The following WDR4 variants were observed in gnomAD, a reference collection of about 807,000 sequenced individuals.
WDR4 encodes the protein tRNA (guanine-N(7)-)-methyltransferase non-catalytic subunit WDR4.
WDR4 carries 47 observed loss-of-function variants against 48.6 expected under a neutral mutation model. The observed-to-expected ratio is 0.97, with a 90% CI of 0.77 to 1.23. The LOEUF is 1.23. Ranked by LOEUF, WDR4 falls within the 50% of genes most tolerant of loss-of-function variation. The pLI is 0.00. For synonymous variants in WDR4, 268 were observed against 230.0 expected, an observed-to-expected ratio of 1.17 and a Z score of -1.49; for missense variants, 606 against 551.6, an observed-to-expected ratio of 1.10 and a Z score of -0.99.
chr21:42,878,258 C>A (rs2058546681), intron 1 of WDR4, among the ~76,000 whole-genome samples: 1 of 152,124 alleles, frequency 6.6e-6, no homozygotes, highest in Non-Finnish European at 1.5e-5. Context: ...CCCCCTGGCA[C>A]GTATCTTGTA....
intron 2 of WDR4, among the ~76,000 whole-genome samples, chr21:42,876,277 A>C (rs1163891031): frequency 1.4e-5 from 2 of 138,126 alleles, no homozygotes; most frequent in East Asian, 4.1e-4. Flanking sequence ...GCAATGCCGC[A>C]ATCTCAGCTC....
In WDR4 at chr21:42,855,703, C is replaced by A; in HGVS notation, c.705G>T (p.Leu235=). ...HCCHLASLQE[L]VDPQAPQKFA... is the part of the protein sequence containing the mutation. ...CTACCTGGGGGGCCTGGGGGTCCAC[C>A]AGCTCCTGCAGACTGGCCAGGTGAC... Residue 235 remains leucine, a synonymous_variant, in exon 7 of 11, where the codon CTG becomes CTT. Coordinates refer to ENST00000398208, the MANE Select transcript of WDR4 (RefSeq NM_018669.6). 1.3e-6 allele frequency: 2 copies of A among 1,553,810 alleles called. No homozygotes were observed. Among genetic ancestry groups the A allele is most frequent in the Non-Finnish European group, 8.7e-7 (1 of 1,148,132 alleles).
At chr21:42,891,076 A>G in the WDR4 span, among the ~76,000 whole-genome samples, 1 of 152,176 alleles carries the variant, frequency 6.6e-6, no homozygotes, top group Non-Finnish European at 1.5e-5. Flanking sequence ...TAATCCCAGC[A>G]CTTTGGGAGG....
the WDR4 span, among the ~76,000 whole-genome samples, chr21:42,891,920 GTACT>G: frequency 6.6e-6 from 1 of 150,632 alleles, no homozygotes; most frequent in Non-Finnish European, 1.5e-5. Flanking sequence ...TTGTGCCACT[GTACT>G]CCAGCCTGGG....
upstream of WDR4, among the ~76,000 whole-genome samples, chr21:42,882,977 T>C (rs111938738): frequency 2.6e-5 from 4 of 151,674 alleles, no homozygotes; most frequent in African/African-American, 9.7e-5. Flanking sequence ...CGGACGCCTG[T>C]AGTCCCAGCT....
Position 42,862,278 on chromosome 21 carries a change from T to C in WDR4, c.566+4A>G, listed in dbSNP as rs1164332002. On this transcript the variant is annotated splice_donor_region_variant and intron_variant, in intron 5 of 10. Transcript: ENST00000398208. This position sits in a 1 kb window ranked among gnomAD's most constrained non-coding sequence, Gnocchi z 4.3. ...CTGCTGGAGGGGCAGGAAGGGGCAC[T>C]CACTCTGTGTGCCCCAAGCAGAAGG... 1 of 1,597,462 alleles carries C rather than the reference T, an allele frequency of 6.3e-7. No individual in the cohort carries two copies. Among genetic ancestry groups the C allele is most frequent in the South Asian group, 1.1e-5 (1 of 89,268 alleles).
At chr21:42,885,111 T>C in the WDR4 span, among the ~76,000 whole-genome samples, 1 of 152,168 alleles carries the variant, frequency 6.6e-6, no homozygotes. Flanking sequence ...GGGTCTCTCA[T>C]TGAACTGTTA....
intron 4 of WDR4, 39 bp downstream of exon 4, chr21:42,863,401 C>T (rs1280033269): frequency 1.3e-6 from 2 of 1,590,686 alleles, no homozygotes; most frequent in Non-Finnish European, 8.6e-7. Flanking sequence ...CCGTGTCCCA[C>T]ACCTGCCATG....
intron 5 of WDR4, among the ~76,000 whole-genome samples, chr21:42,860,271 C>G (rs1409795396): frequency 6.6e-6 from 1 of 152,210 alleles, no homozygotes; most frequent in Non-Finnish European, 1.5e-5. Flanking sequence ...CCTGGCCAGA[C>G]AGCTGTCTCT....
chr21:42,854,480 C>T lies in WDR4; in HGVS notation c.791+82G>A, dbSNP rs564335589. The T allele has an allele frequency of 2.8e-5, 39 of 1,408,436 alleles. No homozygotes were observed. In the African/African-American group the frequency reaches 2.9e-4, roughly 10 times the overall value. 87.2% of individuals were successfully genotyped at this position (1,408,436 alleles called of 1,614,324 possible). A position where few individuals can be genotyped will look rare whatever the true frequency, so the allele number is the denominator to read the frequency against. On this transcript the variant is annotated intron_variant, in intron 8 of 10. Transcript: ENST00000398208. Reference sequence around the variant, plus strand: ...CCGTTCAGGACCTCTTCATTGAGGACGTGGGCCAGTGGCCAACCCGCTAAC... The same window carrying T: ...CCGTTCAGGACCTCTTCATTGAGGATGTGGGCCAGTGGCCAACCCGCTAAC...
At chr21:42,851,113 G>A (rs547151409) in intron 10 of WDR4, among the ~76,000 whole-genome samples, 1 of 152,342 alleles carries the variant, frequency 6.6e-6, no homozygotes, top group East Asian at 1.9e-4. Context: ...TCAGGAGAGC[G>A]AGCCCAGGCT....
chr21:42,848,361 C>T (rs1247559588), downstream of WDR4, among the ~76,000 whole-genome samples: 2 of 149,268 alleles, frequency 1.3e-5, no homozygotes, highest in Admixed American at 6.6e-5. Flanking sequence ...ACACAGCGCA[C>T]GATCACGTGG....
At chr21:42,860,817 C>T (rs1229737619) in intron 5 of WDR4, among the ~76,000 whole-genome samples, 6 of 152,260 alleles carry the variant, frequency 3.9e-5, no homozygotes, top group Non-Finnish European at 8.8e-5. Context: ...TCATGCCAGG[C>T]ACCACGCTGA....
At chr21:42,851,081 G>C (rs2057815456) in intron 10 of WDR4, among the ~76,000 whole-genome samples, 1 of 152,208 alleles carries the variant, frequency 6.6e-6, no homozygotes, top group Non-Finnish European at 1.5e-5. Context: ...CCGGGAACAG[G>C]CTGCTCTATC....
chr21:42,852,474 G>A (rs1468907999), intron 9 of WDR4, 150 bp from the exon 10 acceptor site: 5 of 811,210 alleles, frequency 6.2e-6, no homozygotes, highest in African/African-American at 5.2e-5. Context: ...GGAGACCTGG[G>A]GAGGCAGCCC....
At chr21:42,870,013 C>CAAAAAAAAAA (rs35193980) in intron 3 of WDR4, among the ~76,000 whole-genome samples, 5 of 125,030 alleles carry the variant, frequency 4.0e-5, no homozygotes, top group African/African-American at 1.5e-4. Flanking sequence ...AACTCCATCT[C>CAAAAAAAAAA]AAAAAAAAAA....
chr21:42,882,536 T>C (rs1376415739), upstream of WDR4, among the ~76,000 whole-genome samples: 1 of 151,678 alleles, frequency 6.6e-6, no homozygotes, highest in African/African-American at 2.4e-5. Flanking sequence ...CATTCCAGCC[T>C]GGGCAACAAG....
Position 42,853,728 on chromosome 21 carries a change from C to A in WDR4, c.816G>T (p.Gln272His), listed in dbSNP as rs558813890. ...CDGTPVVYIF[Q>H]LDARRQQLVY... Reference sequence around the variant, plus strand: ...CCAACTGCTGTCTGCGGGCGTCCAGCTGGAAGATGTAGACCACAGGAGTGC... The same window carrying A: ...CCAACTGCTGTCTGCGGGCGTCCAGATGGAAGATGTAGACCACAGGAGTGC... Residue 272 changes from glutamine to histidine, a missense_variant, in exon 9 of 11, where the codon CAG becomes CAT. By Grantham distance (24) the Gln-to-His change is conservative. Transcript: ENST00000398208. 139 of 1,561,302 alleles carry A rather than the reference C, an allele frequency of 8.9e-5. No individual in the cohort carries two copies. Among genetic ancestry groups the A allele is most frequent in the Non-Finnish European group, 1.2e-4 (137 of 1,152,520 alleles).
intron 3 of WDR4, among the ~76,000 whole-genome samples, chr21:42,872,325 T>G (rs993772905): frequency 3.9e-5 from 6 of 152,006 alleles, no homozygotes; most frequent in Non-Finnish European, 5.9e-5. Flanking sequence ...GAAAATAAGA[T>G]GAGGCTGGGA....
Sources: gnomAD v4.1 joint callset for allele counts (sites outside exome capture counted in the v4.1 genomes callset) on GRCh38, gnomAD v4.1.1 for gene constraint, Gnocchi (gnomAD v3.1) non-coding constraint, MANE v1.5 for transcripts, NCBI Gene and HGNC (gene_info 2026-07-23, HGNC 2026-07-21) for gene names.